Variants in DLG2 observed in about 807,000 individuals in gnomAD.
DLG2 encodes the protein discs large MAGUK scaffold protein 2, also known as disks large homolog 2.
In DLG2, 45 loss-of-function variants were observed where a neutral mutation model predicts 132.5. The observed-to-expected ratio is 0.34, with a 90% confidence interval of 0.27 to 0.44. The LOEUF (loss-of-function observed/expected upper bound fraction) is 0.44, where lower values mean the gene tolerates loss of function less well. DLG2 is among the 20% of genes least tolerant of loss of function. The probability of loss-of-function intolerance (pLI) is 1.00; values close to 1 mark genes in which losing one functional copy is unlikely to be tolerated. For synonymous variants in DLG2, 424 were observed against 419.6 expected, an observed-to-expected ratio of 1.01 and a Z score of -0.13; for missense variants, 1,045 against 1,196.9, an observed-to-expected ratio of 0.87 and a Z score of 1.87.
At chr11:84,810,943 G>C (rs1287410148) in intron 6 of DLG2, among the ~76,000 whole-genome samples, 1 of 152,126 alleles carries the variant, frequency 6.6e-6, no homozygotes, top group Admixed American at 6.6e-5. Context: ...AAGTAGAGAA[G>C]GGGGTGTGGC....
intron 4 of DLG2, among the ~76,000 whole-genome samples, chr11:85,265,431 A>T (rs2077157287): frequency 2.0e-5 from 3 of 152,208 alleles, no homozygotes; most frequent in Admixed American, 6.5e-5. Context: ...AAATAGGGGA[A>T]ACAGAATTCC....
intron 10 of DLG2, among the ~76,000 whole-genome samples, chr11:84,076,158 G>A (rs1369520398): frequency 2.6e-5 from 4 of 152,130 alleles, no homozygotes; most frequent in Admixed American, 1.3e-4. Context: ...TATGTAGACT[G>A]TATGACTTCA....
At position 83,710,675 on chromosome 11, in the gene DLG2, T is replaced by C. The variant is rs754101124; in HGVS notation, c.1825+76015A>G. Among the ~76,000 whole-genome samples the C allele has an allele frequency of 7.0e-4, 107 of 152,180 alleles. No individual in the cohort carries two copies. In the Middle Eastern group the frequency reaches 9.5e-3, roughly 14 times the overall value. ...CGGCATAACCAAAGCTTGAAACTGG[T>C]ACAAGGACATTCATGTAGTTAGTAG... On this transcript the variant is annotated intron_variant, in intron 18 of 27. Coordinates refer to ENST00000376104, the MANE Select transcript of DLG2 (RefSeq NM_001142699.3).
intron 18 of DLG2, among the ~76,000 whole-genome samples, chr11:83,769,088 G>A (rs985308422): frequency 6.6e-6 from 1 of 152,216 alleles, no homozygotes; most frequent in Non-Finnish European, 1.5e-5. Flanking sequence ...ATTATAACTA[G>A]TTACTACCTG....
intron 18 of DLG2, among the ~76,000 whole-genome samples, chr11:83,781,700 T>C (rs1007524637): frequency 1.3e-5 from 2 of 152,234 alleles, no homozygotes; most frequent in African/African-American, 4.8e-5. Flanking sequence ...AAAGAATTTG[T>C]GGTTCTCACA....
chr11:85,048,740 T>C (rs1015758432), intron 6 of DLG2, among the ~76,000 whole-genome samples: 10 of 151,934 alleles, frequency 6.6e-5, no homozygotes, highest in African/African-American at 2.4e-4. Flanking sequence ...GTCATTAAAA[T>C]AATAAATGTG....
Position 83,648,610 on chromosome 11 carries a change from C to T in DLG2, c.1826-15285G>A, listed in dbSNP as rs182693606. Among the ~76,000 whole-genome samples, 10 of 152,152 alleles carry T rather than the reference C, an allele frequency of 6.6e-5. No individual in the cohort carries two copies. The East Asian group carries it at 1.9e-3, about 29-fold the overall frequency. ...TGAATGTGGAACTTGCTAATAGAAC[C>T]CCTACATTCATGGGAAGGGATAAAA... On this transcript the variant is annotated intron_variant, in intron 18 of 27. Coordinates refer to ENST00000376104, the MANE Select transcript of DLG2 (RefSeq NM_001142699.3).
At chr11:83,514,437 G>A (rs376836428) in intron 21 of DLG2, among the ~76,000 whole-genome samples, 5,073 of 152,208 alleles carry the variant, frequency 0.033, 96 homozygotes, top group African/African-American at 0.049. Context: ...GGGCTGAGAC[G>A]ATGGGGTTTT....
At chr11:84,483,824 G>A (rs2099144189) in intron 7 of DLG2, among the ~76,000 whole-genome samples, 1 of 152,196 alleles carries the variant, frequency 6.6e-6, no homozygotes, top group South Asian at 2.1e-4. Context: ...GTTCATTAAT[G>A]GATCTAAGGA....
chr11:85,274,192 A>T (rs958230021), intron 4 of DLG2, among the ~76,000 whole-genome samples: 29 of 152,334 alleles, frequency 1.9e-4, no homozygotes, highest in African/African-American at 7.0e-4. Flanking sequence ...AACATGGCAC[A>T]TGTATACATA....
chr11:85,563,302 CACA>C (rs1460711641), intron 3 of DLG2, among the ~76,000 whole-genome samples: 2 of 151,646 alleles, frequency 1.3e-5, no homozygotes, highest in East Asian at 3.8e-4. Context: ...ATGTAACCAA[CACA>C]ACAATCAAGA....
At chr11:84,514,897 GC>G (rs1299029728) in intron 7 of DLG2, among the ~76,000 whole-genome samples, 2 of 151,826 alleles carry the variant, frequency 1.3e-5, no homozygotes, top group African/African-American at 2.4e-5. Flanking sequence ...CACATTGCAT[GC>G]CTGTACCAAA....
At chr11:83,742,890 C>A (rs1420445915) in intron 18 of DLG2, among the ~76,000 whole-genome samples, 1 of 152,092 alleles carries the variant, frequency 6.6e-6, no homozygotes, top group Non-Finnish European at 1.5e-5. Flanking sequence ...ATTAGACACC[C>A]AGAAGTTAGA....
chr11:84,372,722 G>A (rs56979451), intron 7 of DLG2, among the ~76,000 whole-genome samples: 1 of 152,038 alleles, frequency 6.6e-6, no homozygotes, highest in East Asian at 1.9e-4. Context: ...AGTGCATCTC[G>A]GGAATCTATT....
chr11:83,786,023 T>C (rs1362856425), intron 18 of DLG2, among the ~76,000 whole-genome samples: 1 of 152,194 alleles, frequency 6.6e-6, no homozygotes, highest in Admixed American at 6.5e-5. Flanking sequence ...TTCTAAGAAA[T>C]CAACCATACA....
At chr11:84,922,951 A>G (rs1336806801) in intron 6 of DLG2, 9 of 1,188,728 alleles carry the variant, frequency 7.6e-6, no homozygotes, top group Admixed American at 1.9e-5. Context: ...AGCCTTTGCA[A>G]CCACCTGTAA....
intron 10 of DLG2, among the ~76,000 whole-genome samples, chr11:84,089,321 TTTCCATTTCTAAGCC>T: frequency 6.6e-6 from 1 of 152,304 alleles, no homozygotes; most frequent in South Asian, 2.1e-4. Flanking sequence ...AGCTTTATCT[TTTCCATTTCTAAGCC>T]TTCATCTCGT....
At chr11:85,227,653 C>A (rs565470267) in intron 4 of DLG2, among the ~76,000 whole-genome samples, 3 of 152,090 alleles carry the variant, frequency 2.0e-5, no homozygotes, top group African/African-American at 7.2e-5. Context: ...CACAGTGATA[C>A]CACAGAATAT....
intron 3 of DLG2, among the ~76,000 whole-genome samples, chr11:85,355,872 T>C (rs1017747192): frequency 6.6e-6 from 1 of 152,182 alleles, no homozygotes; most frequent in South Asian, 2.1e-4. Context: ...AAAAACAAAA[T>C]TGCTCAACTA....
Sources: gnomAD v4.1 joint callset for allele counts (sites outside exome capture counted in the v4.1 genomes callset) on GRCh38, gnomAD v4.1.1 for gene constraint, MANE v1.5 for transcripts, NCBI Gene and HGNC (gene_info 2026-07-23, HGNC 2026-07-21) for gene names.